The following CAST variants were observed in gnomAD, a reference collection of about 807,000 sequenced individuals.
CAST encodes MIR583 host.
Under a neutral mutation model 119.6 loss-of-function variants are expected in CAST, and 76 were observed. That is an observed-to-expected ratio of 0.64 (90% CI 0.53 to 0.77). CAST has a LOEUF of 0.77. CAST is among the 30% of genes least tolerant of loss of function. CAST has a pLI of 0.00. For synonymous variants in CAST, 319 were observed against 331.6 expected, an observed-to-expected ratio of 0.96 and a Z score of 0.41; for missense variants, 953 against 946.5, an observed-to-expected ratio of 1.01 and a Z score of -0.09.
At chr5:96,036,390 C>G in the CAST span, among the ~76,000 whole-genome samples, 1 of 152,078 alleles carries the variant, frequency 6.6e-6, no homozygotes, top group Non-Finnish European at 1.5e-5. Flanking sequence ...GGCCCATAAA[C>G]TGCCATTTGA....
At position 96,757,383 on chromosome 5, in the gene CAST, GT is replaced by G. The variant is rs547892062; in HGVS notation, c.1711-58del. ...GTAGACCCTTTGTAATGTTTACAAGGTTTCATACTTTGGATAAAATGTAAAA... is the reference window on the plus strand; with the variant it reads ...GTAGACCCTTTGTAATGTTTACAAGGTTCATACTTTGGATAAAATGTAAAA... On this transcript the variant is annotated intron_variant, in intron 22 of 31. Coordinates refer to ENST00000675179, the MANE Select transcript of CAST (RefSeq NM_001750.7). 309 of 1,445,604 alleles carry G rather than the reference GT, an allele frequency of 2.1e-4. 4 individuals are homozygous for G. The South Asian group carries it at 3.4e-3, about 16-fold the overall frequency. 89.5% of individuals were successfully genotyped at this position (1,445,604 alleles called of 1,614,324 possible).
At chr5:96,356,193 T>C in the CAST span, among the ~76,000 whole-genome samples, 3 of 152,242 alleles carry the variant, frequency 2.0e-5, no homozygotes, top group Non-Finnish European at 2.9e-5. Context: ...TATTTTATTC[T>C]TGTAAATTTG....
chr5:96,516,988 C>A, the CAST span, among the ~76,000 whole-genome samples: 4 of 152,136 alleles, frequency 2.6e-5, no homozygotes, highest in Non-Finnish European at 5.9e-5. Flanking sequence ...CTAGGGTGAG[C>A]AATCATCTCG....
At chr5:96,680,595 C>T (rs996033135) in intron 2 of CAST, among the ~76,000 whole-genome samples, 1 of 151,568 alleles carries the variant, frequency 6.6e-6, no homozygotes. Context: ...AAATAATGTG[C>T]TTTGTGATAG....
chr5:96,334,002 C>T, the CAST span, among the ~76,000 whole-genome samples: 1 of 152,102 alleles, frequency 6.6e-6, no homozygotes, highest in African/African-American at 2.4e-5. Flanking sequence ...GGTCTCAGAC[C>T]CTCACTTCAA....
the CAST span, among the ~76,000 whole-genome samples, chr5:96,363,350 A>C: frequency 2.7e-5 from 4 of 148,874 alleles, no homozygotes; most frequent in African/African-American, 7.4e-5. Context: ...ACTTTAAAGT[A>C]GTTTTTTCCA....
At chr5:96,731,338 G>C (rs1221723681) in intron 9 of CAST, among the ~76,000 whole-genome samples, 1 of 152,120 alleles carries the variant, frequency 6.6e-6, no homozygotes, top group Non-Finnish European at 1.5e-5. Flanking sequence ...GTTGAGCTGG[G>C]TGATTGTGGG....
chr5:96,716,572 C>T (rs1757224315), intron 3 of CAST, among the ~76,000 whole-genome samples: 1 of 152,170 alleles, frequency 6.6e-6, no homozygotes, highest in Non-Finnish European at 1.5e-5. Context: ...CCCCTGCCTT[C>T]ATGGAGTTCA....
the CAST span, among the ~76,000 whole-genome samples, chr5:96,491,216 T>G: frequency 6.6e-6 from 1 of 151,858 alleles, no homozygotes; most frequent in Non-Finnish European, 1.5e-5. Context: ...CCGGGCACGG[T>G]GGCTCAAGCC....
chr5:96,406,992 G>GA, the CAST span, among the ~76,000 whole-genome samples: 3 of 150,560 alleles, frequency 2.0e-5, no homozygotes, highest in East Asian at 1.9e-4. Flanking sequence ...GTAATTATGA[G>GA]AAAAAAAAAG....
chr5:96,106,947 T>A, the CAST span, among the ~76,000 whole-genome samples: 1 of 142,778 alleles, frequency 7.0e-6, no homozygotes, highest in African/African-American at 2.6e-5. Flanking sequence ...TTAGCTCCTC[T>A]TGTTGAATTG....
At chr5:96,135,698 T>C in the CAST span, among the ~76,000 whole-genome samples, 1 of 152,138 alleles carries the variant, frequency 6.6e-6, no homozygotes, top group African/African-American at 2.4e-5. Flanking sequence ...GCCTTCTGTG[T>C]CCTCACCTCC....
chr5:96,460,909 T>C, the CAST span, among the ~76,000 whole-genome samples: 1 of 148,458 alleles, frequency 6.7e-6, no homozygotes, highest in South Asian at 2.1e-4. Context: ...TTCACCACTT[T>C]AAAGTGTATT....
chr5:96,157,413 T>G, the CAST span, among the ~76,000 whole-genome samples: 2 of 152,254 alleles, frequency 1.3e-5, no homozygotes, highest in Admixed American at 6.5e-5. Context: ...GACCTAATTT[T>G]GACCACAGAT....
chr5:96,474,918 A>G, the CAST span, among the ~76,000 whole-genome samples: 1 of 152,214 alleles, frequency 6.6e-6, no homozygotes, highest in South Asian at 2.1e-4. Context: ...CCTTATGGAA[A>G]GAGACAAATA....
At chr5:96,205,269 A>G in the CAST span, among the ~76,000 whole-genome samples, 1 of 151,902 alleles carries the variant, frequency 6.6e-6, no homozygotes, top group Admixed American at 6.6e-5. Context: ...CACTTTATCA[A>G]TTTTTCCTTT....
At chr5:96,701,912 CA>C (rs1014703553) in intron 3 of CAST, among the ~76,000 whole-genome samples, 1 of 151,322 alleles carries the variant, frequency 6.6e-6, no homozygotes, top group East Asian at 1.9e-4. Context: ...AAATAAAAGA[CA>C]AAAAAAATAA....
the CAST span, among the ~76,000 whole-genome samples, chr5:96,378,866 T>C: frequency 6.6e-6 from 1 of 152,168 alleles, no homozygotes; most frequent in South Asian, 2.1e-4. Context: ...TTGGTGTATA[T>C]GTATTTTTAC....
At chr5:96,081,311 G>A in the CAST span, among the ~76,000 whole-genome samples, 1 of 152,178 alleles carries the variant, frequency 6.6e-6, no homozygotes, top group Non-Finnish European at 1.5e-5. Context: ...GGCCCAGGGA[G>A]GTAAGAGCCC....
Sources: allele counts gnomAD v4.1 joint callset (sites outside exome capture counted in the v4.1 genomes callset), GRCh38; gene constraint gnomAD v4.1.1; transcripts MANE v1.5; gene names NCBI Gene and HGNC (gene_info 2026-07-23, HGNC 2026-07-21).